Variants in BRIP1 observed in about 807,000 individuals in gnomAD.
BRIP1 encodes BRCA1 interacting DNA helicase 1.
In BRIP1, 88 loss-of-function variants were observed where a neutral mutation model predicts 119.7. That is an observed-to-expected ratio of 0.74 (90% confidence interval 0.62 to 0.88). The LOEUF is 0.88. Among genes scored for constraint, BRIP1 ranks in the 40% least tolerant of loss-of-function variants. BRIP1 has a pLI of 0.00. For synonymous variants in BRIP1, 443 were observed against 496.5 expected, an observed-to-expected ratio of 0.89 and a Z score of 1.43; for missense variants, 1,259 against 1,455.4, an observed-to-expected ratio of 0.87 and a Z score of 2.20.
rs59441826 is a variant in BRIP1 at position 61,759,005 on chromosome 17, C to CATAAATAAATAAATAA, written c.2098-14430_2098-14415dup. ...CCTGGGTGACAGAGCAAGACCCTGT[C>CATAAATAAATAAATAA]ATAAATAAATAAATAAATAAATAAA... On this transcript the variant is annotated intron_variant, in intron 14 of 19. Coordinates refer to ENST00000259008, the MANE Select transcript of BRIP1 (RefSeq NM_032043.3). The surrounding 1 kb of genome is among the most constrained non-coding windows in gnomAD (Gnocchi z 4.9). 0.022 allele frequency among the ~76,000 whole-genome samples: 2,949 copies of CATAAATAAATAAATAA among 137,024 alleles called. 51 individuals carry two copies. Among genetic ancestry groups the CATAAATAAATAAATAA allele is most frequent in the Non-Finnish European group, 0.027 (1,733 of 64,178 alleles). 89.9% of individuals were successfully genotyped at this position (137,024 alleles called of 152,430 possible). A position where few individuals can be genotyped will look rare whatever the true frequency, so the allele number is the denominator to read the frequency against.
intron 4 of BRIP1, among the ~76,000 whole-genome samples, chr17:61,849,495 G>T (rs775459268): frequency 1.4e-4 from 21 of 152,050 alleles, no homozygotes; most frequent in Admixed American, 8.5e-4. Context: ...ATCGCCTTAT[G>T]TACTTGTAGA....
Position 61,743,188 on chromosome 17 carries a change from T to C in BRIP1, c.2258-54A>G. ...AATTCTCAGAAATTGCTTATTCTTG[T>C]CATTTTGAAAATACCTGATTTATAA... On this transcript the variant is annotated intron_variant, in intron 15 of 19. Transcript: ENST00000259008. The surrounding 1 kb of genome is among the most constrained non-coding windows in gnomAD (Gnocchi z 4.3). 6.3e-7 allele frequency: 1 copy of C among 1,586,202 alleles called. No individual in the cohort carries two copies. The highest frequency in any genetic ancestry group is 8.7e-7 in the Non-Finnish European group (1 of 1,155,646).
chr17:61,809,361 A>T lies in BRIP1; in HGVS notation c.628-604T>A, dbSNP rs529508739. ...TGAAAGCAGGTTGCTTGTGTGGAAC[A>T]AGTATATCTGAAATTCAGTTACCTG... On this transcript the variant is annotated intron_variant, in intron 6 of 19. Coordinates refer to ENST00000259008, the MANE Select transcript of BRIP1 (RefSeq NM_032043.3). This position sits in a 1 kb window ranked among gnomAD's most constrained non-coding sequence, Gnocchi z 5.2. 3.3e-5 allele frequency among the ~76,000 whole-genome samples: 5 copies of T among 152,318 alleles called. No homozygotes were observed. Among genetic ancestry groups the T allele is most frequent in the African/African-American group, 1.2e-4 (5 of 41,594 alleles).
chr17:61,780,497 G>A lies in BRIP1; in HGVS notation c.1795-96C>T, dbSNP rs2145084778. On this transcript the variant is annotated intron_variant, in intron 12 of 19. Transcript: ENST00000259008. This position sits in a 1 kb window ranked among gnomAD's most constrained non-coding sequence, Gnocchi z 5.4. Reference sequence around the variant, plus strand: ...AATCCCAGCACTTTGGGAGGCTGAAGCAGGAAGATCGCTTGAGTCTAGGAG... The same window carrying A: ...AATCCCAGCACTTTGGGAGGCTGAAACAGGAAGATCGCTTGAGTCTAGGAG... 1 of 1,125,224 alleles carries A rather than the reference G, an allele frequency of 8.9e-7. No individual in the cohort carries two copies. The highest frequency in any genetic ancestry group is 1.3e-6 in the Non-Finnish European group (1 of 744,472). The allele number at this position is 1,125,224 out of a possible 1,614,324, so 69.7% of individuals were successfully genotyped here. A position where few individuals can be genotyped will look rare whatever the true frequency, so the allele number is the denominator to read the frequency against.
chr17:61,830,299 T>TAAA (rs1481263475), intron 6 of BRIP1, among the ~76,000 whole-genome samples: 1 of 12,758 alleles, frequency 7.8e-5, no homozygotes. Flanking sequence ...ACAATGGTAA[T>TAAA]TAAAAAAAAA....
intron 10 of BRIP1, among the ~76,000 whole-genome samples, chr17:61,786,950 AAT>A (rs2077725144): frequency 9.6e-6 from 1 of 104,306 alleles, no homozygotes; most frequent in Non-Finnish European, 1.7e-5. Flanking sequence ...ATTTATATAT[AAT>A]ATATTTATAT....
At chr17:61,859,633 T>G (rs951264986) in intron 3 of BRIP1, among the ~76,000 whole-genome samples, 163 bp downstream of exon 3, 9 of 152,268 alleles carry the variant, frequency 5.9e-5, no homozygotes, top group African/African-American at 1.9e-4. Context: ...TATTTTGCTA[T>G]ATTGAAACTC....
intron 16 of BRIP1, among the ~76,000 whole-genome samples, chr17:61,727,410 C>T (rs547532221): frequency 7.2e-5 from 11 of 152,198 alleles, no homozygotes; most frequent in African/African-American, 1.7e-4. Context: ...ACTTTATTAC[C>T]ACCACAGTCC....
In BRIP1 at chr17:61,762,475, C is replaced by T. The variant is rs563954213; in HGVS notation, c.2097+13926G>A. 1.2e-4 allele frequency among the ~76,000 whole-genome samples: 19 copies of T among 152,090 alleles called. No individual in the cohort carries two copies. In the South Asian group the frequency reaches 3.7e-3, roughly 30 times the overall value. Reference sequence around the variant, plus strand: ...GAGAAAATATTTACAAGCTATATATCCAATAAGGAGTTAATGTCCAAAATA... The same window carrying T: ...GAGAAAATATTTACAAGCTATATATTCAATAAGGAGTTAATGTCCAAAATA... On this transcript the variant is annotated intron_variant, in intron 14 of 19. Transcript: ENST00000259008. This position sits in a 1 kb window ranked among gnomAD's most constrained non-coding sequence, Gnocchi z 4.3.
rs1567773367 is a variant in BRIP1 at position 61,735,790 on chromosome 17, G to T, written c.2379+7223C>A. 6.6e-6 allele frequency among the ~76,000 whole-genome samples: 1 copy of T among 151,996 alleles called. No homozygotes were observed. Among genetic ancestry groups the T allele is most frequent in the South Asian group, 2.1e-4 (1 of 4,820 alleles). ...CACTCTAGCCTGGGCAATGGAGTGA[G>T]ACCCTGTTTTCAAAAAAATTTAAAA... On this transcript the variant is annotated intron_variant, in intron 16 of 19. Transcript: ENST00000259008. This position sits in a 1 kb window ranked among gnomAD's most constrained non-coding sequence, Gnocchi z 4.4.
intron 17 of BRIP1, among the ~76,000 whole-genome samples, chr17:61,711,278 G>C (rs369452065): frequency 1.6e-4 from 25 of 151,940 alleles, no homozygotes; most frequent in African/African-American, 4.1e-4. Flanking sequence ...AAAATCAACT[G>C]AGCTAAGAAT....
Position 61,832,135 on chromosome 17 carries a change from G to A in BRIP1, c.627+14966C>T, listed in dbSNP as rs980738229. Among the ~76,000 whole-genome samples, 4 of 152,138 alleles carry A rather than the reference G, an allele frequency of 2.6e-5. No homozygotes were observed. The highest frequency in any genetic ancestry group is 1.9e-4 in the East Asian group (1 of 5,188). ...GTTCCTTGGAGAAATGTCTGAATCC[G>A]AGACTAGGGCAGGGAAAATATAAGG... is the stretch of plus-strand genomic sequence containing the variant. On this transcript the variant is annotated intron_variant, in intron 6 of 19. Coordinates refer to ENST00000259008, the MANE Select transcript of BRIP1 (RefSeq NM_032043.3). This position sits in a 1 kb window ranked among gnomAD's most constrained non-coding sequence, Gnocchi z 5.5.
intron 16 of BRIP1, among the ~76,000 whole-genome samples, chr17:61,721,994 G>A (rs188664885): frequency 4.6e-5 from 7 of 151,080 alleles, no homozygotes; most frequent in African/African-American, 1.7e-4. Context: ...CTCCCAAAGT[G>A]CTGGGATTAC....
At position 61,845,091 on chromosome 17, in the gene BRIP1, G is replaced by A. The variant is rs922449275; in HGVS notation, c.627+2010C>T. Among the ~76,000 whole-genome samples, 2 of 152,036 alleles carry A rather than the reference G, an allele frequency of 1.3e-5. No individual in the cohort carries two copies. Among genetic ancestry groups the A allele is most frequent in the African/African-American group, 2.4e-5 (1 of 41,396 alleles). On this transcript the variant is annotated intron_variant, in intron 6 of 19. Coordinates refer to ENST00000259008, the MANE Select transcript of BRIP1 (RefSeq NM_032043.3). This position sits in a 1 kb window ranked among gnomAD's most constrained non-coding sequence, Gnocchi z 4.2. Reference sequence around the variant, plus strand: ...TTTCAGATAATAGTAAGCCCATGAAGGAAAGGAAAGAAAATGAATGAGAAA... The same window carrying A: ...TTTCAGATAATAGTAAGCCCATGAAAGAAAGGAAAGAAAATGAATGAGAAA...
chr17:61,716,831 G>GAAATAATATGCTTCC (rs371307141), intron 16 of BRIP1, among the ~76,000 whole-genome samples: 7 of 150,182 alleles, frequency 4.7e-5, no homozygotes, highest in Non-Finnish European at 5.9e-5. Flanking sequence ...TCCACTACTG[G>GAAATAATATGCTTCC]ATTATTAGCT....
In BRIP1 at chr17:61,772,243, C is replaced by T. The variant is rs181893625; in HGVS notation, c.2097+4158G>A. Among the ~76,000 whole-genome samples the T allele has an allele frequency of 2.0e-3, 270 of 133,712 alleles. 2 individuals are homozygous for T. The highest frequency in any genetic ancestry group is 0.019 in the Admixed American group (241 of 12,942). The allele number at this position is 133,712 out of a possible 152,430, so 87.7% of individuals were successfully genotyped here. On this transcript the variant is annotated intron_variant, in intron 14 of 19. Transcript: ENST00000259008. ...TATTATTCTGCCATAAAAAGGATTC[C>T]GATGTATGCTACAAGATGGACGAAC...
Position 61,738,766 on chromosome 17 carries a change from CAT to C in BRIP1, c.2379+4245_2379+4246del, listed in dbSNP as rs1320535397. On this transcript the variant is annotated intron_variant, in intron 16 of 19. Transcript: ENST00000259008. The surrounding 1 kb of genome is among the most constrained non-coding windows in gnomAD (Gnocchi z 4.2). ...ATTTTTGGAAAATAATGAAGAATAA[CAT>C]AATAAATACCTGCATTCTCATATTT... is the stretch of plus-strand genomic sequence containing the variant. 3.3e-5 allele frequency among the ~76,000 whole-genome samples: 5 copies of C among 152,112 alleles called. No individual in the cohort carries two copies. The highest frequency in any genetic ancestry group is 9.7e-5 in the African/African-American group (4 of 41,412).
At position 61,808,657 on chromosome 17, in the gene BRIP1, A is replaced by G. The variant is rs587781860; in HGVS notation, c.728T>C (p.Ile243Thr). ...IKKDHTGKSK[I>T]PKIYFGTRTH... The stretch of plus-strand genomic sequence containing the variant: ...GCGTGTCCCAAAATATATTTTGGGT[A>G]TCTTGGATTTCCCTGTATGATCCTT... Residue 243 changes from isoleucine to threonine, a missense_variant, in exon 7 of 20, where the codon ATA becomes ACA. By Grantham distance (89) the Ile-to-Thr change is moderately conservative. Transcript: ENST00000259008. This position sits in a 1 kb window ranked among gnomAD's most constrained non-coding sequence, Gnocchi z 4.1. 3.7e-5 allele frequency: 60 copies of G among 1,612,160 alleles called. No homozygotes were observed. The highest frequency in any genetic ancestry group is 5.1e-5 in the Non-Finnish European group (60 of 1,178,192).
Position 61,799,420 on chromosome 17 carries a change from C to T in BRIP1, c.1141-121G>A. The T allele has an allele frequency of 1.6e-6, 1 of 610,436 alleles. No homozygotes were observed. Among genetic ancestry groups the T allele is most frequent in the Non-Finnish European group, 2.5e-6 (1 of 396,040 alleles). 37.8% of individuals were successfully genotyped at this position (610,436 alleles called of 1,614,324 possible). ...AATATTGCAAATGCAATTACATAAG[C>T]AACAGAGATTCTAGGTCTTAAATAA... On this transcript the variant is annotated intron_variant, in intron 8 of 19. Coordinates refer to ENST00000259008, the MANE Select transcript of BRIP1 (RefSeq NM_032043.3). This position sits in a 1 kb window ranked among gnomAD's most constrained non-coding sequence, Gnocchi z 5.1.
Sources: gnomAD v4.1 joint callset for allele counts (sites outside exome capture counted in the v4.1 genomes callset) on GRCh38, gnomAD v4.1.1 for gene constraint, Gnocchi (gnomAD v3.1) non-coding constraint, MANE v1.5 for transcripts, NCBI Gene and HGNC (gene_info 2026-07-23, HGNC 2026-07-21) for gene names.